L3MBTL4: variants seen among roughly 807,000 people sequenced by gnomAD.
The protein encoded by L3MBTL4 is L3MBTL histone methyl-lysine binding protein 4.
L3MBTL4 carries 70 observed loss-of-function variants against 84.5 expected under a neutral mutation model. The ratio of observed to expected loss-of-function variants is 0.83; its 90% CI spans 0.68 to 1.01. The LOEUF (loss-of-function observed/expected upper bound fraction) is 1.01. Ranked by LOEUF, L3MBTL4 falls within the 50% of genes least tolerant of loss-of-function variation. The probability of loss-of-function intolerance (pLI) is 0.00; values close to 1 mark genes in which losing one functional copy is unlikely to be tolerated. For missense variants in L3MBTL4, 715 were observed against 754.8 expected (o/e 0.95, Z 0.62); for synonymous variants, 274 against 259.8 (o/e 1.05, Z -0.52).
intron 13 of L3MBTL4, among the ~76,000 whole-genome samples, chr18:6,165,643 C>A (rs1052317381): frequency 3.3e-5 from 5 of 152,020 alleles, no homozygotes; most frequent in African/African-American, 4.8e-5. Context: ...GAGATTTTGT[C>A]ACCACCAGGC....
intron 1 of L3MBTL4, among the ~76,000 whole-genome samples, chr18:6,364,070 T>G (rs1434459706): frequency 1.3e-5 from 2 of 152,182 alleles, no homozygotes; most frequent in African/African-American, 4.8e-5. Context: ...TTTTTGGTCC[T>G]TGTATCTACG....
intron 16 of L3MBTL4, among the ~76,000 whole-genome samples, chr18:6,055,016 C>T (rs971605271): frequency 6.6e-6 from 1 of 152,210 alleles, no homozygotes; most frequent in African/African-American, 2.4e-5. Flanking sequence ...AGAGGAATTG[C>T]ACCTTTAACC....
intron 12 of L3MBTL4, among the ~76,000 whole-genome samples, chr18:6,191,577 C>T (rs1599082657): frequency 6.6e-6 from 1 of 152,090 alleles, no homozygotes; most frequent in Admixed American, 6.5e-5. Context: ...TAGGAGTTTG[C>T]AGTTCATCAA....
intron 1 of L3MBTL4, among the ~76,000 whole-genome samples, chr18:6,404,584 C>G (rs78466370): frequency 0.16 from 24,017 of 152,098 alleles, 1,917 homozygotes; most frequent in African/African-American, 0.17. Flanking sequence ...ACTATGGGGA[C>G]CTTCATTACG....
intron 12 of L3MBTL4, among the ~76,000 whole-genome samples, chr18:6,197,090 T>C (rs1599108939): frequency 1.3e-5 from 2 of 152,348 alleles, no homozygotes; most frequent in Non-Finnish European, 2.9e-5. Flanking sequence ...CTCTCAGGCT[T>C]CAACTATTCT....
At chr18:6,064,905 A>G (rs2057351278) in intron 16 of L3MBTL4, among the ~76,000 whole-genome samples, 1 of 151,994 alleles carries the variant, frequency 6.6e-6, no homozygotes, top group Non-Finnish European at 1.5e-5. Context: ...AAGCGGTAAA[A>G]GTGGGCATCC....
At chr18:5,984,739 G>A (rs549611325) in intron 16 of L3MBTL4, among the ~76,000 whole-genome samples, 1 of 152,258 alleles carries the variant, frequency 6.6e-6, no homozygotes, top group Admixed American at 6.5e-5. Flanking sequence ...ATACGCTAGA[G>A]TAATTTTCAT....
intron 3 of L3MBTL4, among the ~76,000 whole-genome samples, chr18:6,304,014 C>CAAA (rs201628744): frequency 7.4e-4 from 39 of 52,706 alleles, no homozygotes; most frequent in African/African-American, 2.3e-3. Flanking sequence ...AACTCCATCT[C>CAAA]AAAAAAAAAA....
chr18:6,075,485 A>C (rs1420721822), intron 16 of L3MBTL4, among the ~76,000 whole-genome samples: 1 of 152,198 alleles, frequency 6.6e-6, no homozygotes, highest in Non-Finnish European at 1.5e-5. Context: ...ATTCAAAGAA[A>C]AAGTAAATCT....
chr18:6,261,582 C>T (rs549122301), intron 5 of L3MBTL4, among the ~76,000 whole-genome samples: 7 of 152,152 alleles, frequency 4.6e-5, no homozygotes, highest in Non-Finnish European at 7.4e-5. Context: ...TGTCATCCCT[C>T]TATAAAGTCA....
intron 1 of L3MBTL4, among the ~76,000 whole-genome samples, chr18:6,320,268 C>T (rs1381865481): frequency 1.3e-5 from 2 of 151,984 alleles, no homozygotes; most frequent in Non-Finnish European, 2.9e-5. Context: ...TTCTACTCAA[C>T]AGAGTATTGG....
chr18:6,302,184 A>G (rs1418053152), intron 3 of L3MBTL4, among the ~76,000 whole-genome samples: 2 of 152,286 alleles, frequency 1.3e-5, no homozygotes, highest in Middle Eastern at 3.4e-3. Context: ...CTAAAATAAA[A>G]GAGACAGGAA....
chr18:6,222,425 G>A (rs758401525), intron 10 of L3MBTL4, among the ~76,000 whole-genome samples: 80 of 152,074 alleles, frequency 5.3e-4, no homozygotes, highest in Non-Finnish European at 1.9e-4. Flanking sequence ...TGTGTCTGGC[G>A]AGATCACCAG....
chr18:6,197,887 G>C (rs1276518154), intron 12 of L3MBTL4, among the ~76,000 whole-genome samples: 1 of 152,220 alleles, frequency 6.6e-6, no homozygotes, highest in Non-Finnish European at 1.5e-5. Flanking sequence ...CTTTGACACT[G>C]TTGAGCCCGC....
chr18:6,350,055 T>G (rs1040995035), intron 1 of L3MBTL4, among the ~76,000 whole-genome samples: 2 of 152,190 alleles, frequency 1.3e-5, no homozygotes, highest in African/African-American at 4.8e-5. Context: ...GATATTCACA[T>G]GCAAAATAAT....
At chr18:5,999,548 T>A (rs1202694208) in intron 16 of L3MBTL4, among the ~76,000 whole-genome samples, 2 of 152,256 alleles carry the variant, frequency 1.3e-5, no homozygotes, top group African/African-American at 4.8e-5. Context: ...ATTTTAAACA[T>A]GCTAATCAGC....
chr18:6,215,464 C>G (rs1482048153), intron 11 of L3MBTL4, among the ~76,000 whole-genome samples: 1 of 152,040 alleles, frequency 6.6e-6, no homozygotes, highest in Non-Finnish European at 1.5e-5. Flanking sequence ...CTAATAGAAC[C>G]AGAAATGTAA....
At chr18:6,098,955 T>C (rs1440430441) in intron 14 of L3MBTL4, among the ~76,000 whole-genome samples, 3 of 151,930 alleles carry the variant, frequency 2.0e-5, no homozygotes, top group African/African-American at 7.3e-5. Context: ...GTCATACCTA[T>C]CAGATAAGGA....
intron 13 of L3MBTL4, among the ~76,000 whole-genome samples, chr18:6,138,932 G>A (rs1460254135): frequency 7.2e-5 from 11 of 152,150 alleles, no homozygotes; most frequent in South Asian, 4.1e-4. Context: ...ATGCGAATAC[G>A]TAAGGTCTGC....
Sources: allele counts gnomAD v4.1 joint callset (sites outside exome capture counted in the v4.1 genomes callset), GRCh38; gene constraint gnomAD v4.1.1; transcripts MANE v1.5; gene names NCBI Gene and HGNC (gene_info 2026-07-23, HGNC 2026-07-21).